TMEM109: variants seen among roughly 807,000 people sequenced by gnomAD.
The protein encoded by TMEM109 is voltage-gated monoatomic cation channel TMEM109.
Under a neutral mutation model 26.4 loss-of-function variants are expected in TMEM109, and 19 were observed. That is an observed-to-expected ratio of 0.72 (90% CI 0.50 to 1.06). The LOEUF (loss-of-function observed/expected upper bound fraction) is 1.06, where lower values mean the gene tolerates loss of function less well. Among genes scored for constraint, TMEM109 ranks in the 50% least tolerant of loss-of-function variants. The pLI, the probability that TMEM109 is intolerant of heterozygous loss-of-function variation, is 0.00. For synonymous variants in TMEM109, 129 were observed against 142.0 expected (o/e 0.91, Z 0.65); for missense variants, 262 against 303.4 (o/e 0.86, Z 1.01).
intron 3 of TMEM109, 98 bp from the exon 4 acceptor site, chr11:60,921,676 G>T: frequency 2.3e-6 from 2 of 880,286 alleles, no homozygotes; most frequent in Non-Finnish European, 3.6e-6. Context: ...TTATTCCTTT[G>T]CAATGTGCCT....
At chr11:60,916,974 C>T (rs980807599) in intron 1 of TMEM109, among the ~76,000 whole-genome samples, 1 of 152,208 alleles carries the variant, frequency 6.6e-6, no homozygotes, top group African/African-American at 2.4e-5. Flanking sequence ...AGGAACTCAC[C>T]TGTGCTTTCC....
chr11:60,917,582 T>C (rs1005524130), intron 1 of TMEM109, among the ~76,000 whole-genome samples: 14 of 152,186 alleles, frequency 9.2e-5, no homozygotes, highest in Non-Finnish European at 1.8e-4. Flanking sequence ...AAGCACAAAG[T>C]TGTTAGGTAA....
chr11:60,914,849 T>C (rs945339452), intron 1 of TMEM109, among the ~76,000 whole-genome samples: 3 of 152,244 alleles, frequency 2.0e-5, no homozygotes, highest in Non-Finnish European at 4.4e-5. Context: ...TAGTGGGAGC[T>C]GCCCCCAACC....
rs1436884494 is a variant in TMEM109 at position 60,919,808 on chromosome 11, T to C, written c.115T>C (p.Phe39Leu). The change falls in exon 2 of 4, where the codon TTT becomes CTT. Residue 39 changes from phenylalanine (F) to leucine (L), a missense_variant. Transcript: ENST00000227525. ...AGCATTGGCCCAGTCCCGTCGAGAC[T>C]TTGCACCACCAGGCCAACAGAAGAG... is the stretch of plus-strand genomic sequence containing the variant. ...HSALAQSRRD[F>L]APPGQQKREA... The C allele has an allele frequency of 1.2e-6, 2 of 1,614,008 alleles. No homozygotes were observed. Among genetic ancestry groups the C allele is most frequent in the Non-Finnish European group, 1.7e-6 (2 of 1,180,022 alleles).
chr11:60,920,066 C>T (rs1045132512), intron 2 of TMEM109, 136 bp downstream of exon 2: 3 of 706,378 alleles, frequency 4.2e-6, no homozygotes, highest in South Asian at 3.5e-5. Flanking sequence ...AGAAGCCACA[C>T]AGCACTTGTC....
At chr11:60,921,485 G>A (rs919484947) in intron 3 of TMEM109, among the ~76,000 whole-genome samples, 1 of 152,088 alleles carries the variant, frequency 6.6e-6, no homozygotes, top group African/African-American at 2.4e-5. Flanking sequence ...ATCAGGCATC[G>A]TGCTGAGCTG....
At position 60,922,631 on chromosome 11, in the gene TMEM109, A is replaced by C; in HGVS notation, c.*466A>C. On this transcript the variant is annotated 3_prime_UTR_variant, in exon 4 of 4. Coordinates refer to ENST00000227525, the MANE Select transcript of TMEM109 (RefSeq NM_024092.3). ...CCTCATCCTCCTACCCTGTACTCCC[A>C]CCAAACCATGGTCCTTTAAGGCACG... 2 of 332,488 alleles carry C rather than the reference A, an allele frequency of 6.0e-6. No homozygotes were observed. Among genetic ancestry groups the C allele is most frequent in the Non-Finnish European group, 1.2e-5 (2 of 167,788 alleles). 20.6% of individuals were successfully genotyped at this position (332,488 alleles called of 1,614,324 possible).
intron 1 of TMEM109, 144 bp from the exon 2 acceptor site, chr11:60,919,542 T>A: frequency 1.5e-6 from 1 of 669,052 alleles, no homozygotes; most frequent in Non-Finnish European, 2.6e-6. Context: ...CAGTCCTTCC[T>A]CTCCCAGCTA....
At chr11:60,919,594 G>T in intron 1 of TMEM109, 92 bp from the exon 2 acceptor site, 1 of 1,069,686 alleles carries the variant, frequency 9.3e-7, no homozygotes, top group Non-Finnish European at 1.4e-6. Context: ...CTTGCTTGGG[G>T]TAGGGGTGGA....
At chr11:60,920,080 G>C in intron 2 of TMEM109, 150 bp downstream of exon 2, 2 of 666,272 alleles carry the variant, frequency 3.0e-6, no homozygotes, top group Non-Finnish European at 5.2e-6. Context: ...ACTTGTCTTT[G>C]AATTCCTCGT....
intron 1 of TMEM109, among the ~76,000 whole-genome samples, chr11:60,918,002 A>T (rs983241045): frequency 1.8e-4 from 27 of 152,150 alleles, no homozygotes; most frequent in African/African-American, 6.3e-4. Context: ...TTAGTTGGAG[A>T]CAATACAGCA....
At chr11:60,918,172 G>A (rs1277231988) in intron 1 of TMEM109, among the ~76,000 whole-genome samples, 1 of 152,178 alleles carries the variant, frequency 6.6e-6, no homozygotes, top group African/African-American at 2.4e-5. Context: ...GCGCGGTGGT[G>A]CATGGCAAGA....
At chr11:60,918,624 G>A (rs1460026035) in intron 1 of TMEM109, 1 of 148,064 alleles carries the variant, frequency 6.8e-6, no homozygotes, top group Middle Eastern at 3.5e-3. Flanking sequence ...TGGTGGAGAA[G>A]GGGTCAAACT....
At position 60,922,260 on chromosome 11, in the gene TMEM109, C is replaced by A; in HGVS notation, c.*95C>A. 1 of 1,546,880 alleles carries A rather than the reference C, an allele frequency of 6.5e-7. No homozygotes were observed. Among genetic ancestry groups the A allele is most frequent in the Non-Finnish European group, 8.7e-7 (1 of 1,146,828 alleles). On this transcript the variant is annotated 3_prime_UTR_variant, in exon 4 of 4. Transcript: ENST00000227525. Reference sequence around the variant, plus strand: ...TGCCAGCCCCCTGCCCTTTTCTTGCCCTGTCTCTGAACCTTCAGAACATTG... The same window carrying A: ...TGCCAGCCCCCTGCCCTTTTCTTGCACTGTCTCTGAACCTTCAGAACATTG...
chr11:60,921,124 A>G (rs1856232335), intron 3 of TMEM109, 136 bp downstream of exon 3: 1 of 741,320 alleles, frequency 1.3e-6, no homozygotes, highest in African/African-American at 1.7e-5. Context: ...GACATGGCCA[A>G]AGAGCAAGCC....
At position 60,922,249 on chromosome 11, in the gene TMEM109, C is replaced by T; in HGVS notation, c.*84C>T. The T allele has an allele frequency of 6.5e-7, 1 of 1,548,008 alleles. No homozygotes were observed. The highest frequency in any genetic ancestry group is 8.7e-7 in the Non-Finnish European group (1 of 1,146,862). On this transcript the variant is annotated 3_prime_UTR_variant, in exon 4 of 4. Transcript: ENST00000227525. ...TGCAGCCCTCCTGCCAGCCCCCTGCCCTTTTCTTGCCCTGTCTCTGAACCT... is the reference window on the plus strand; with the variant it reads ...TGCAGCCCTCCTGCCAGCCCCCTGCTCTTTTCTTGCCCTGTCTCTGAACCT...
intron 1 of TMEM109, 22 bp from the exon 2 acceptor site, chr11:60,919,664 C>T (rs1031647795): frequency 3.1e-6 from 5 of 1,591,206 alleles, no homozygotes; most frequent in Non-Finnish European, 4.3e-6. Context: ...GCACTCAGCT[C>T]ACTGTGCTTC....
Position 60,919,658 on chromosome 11 carries a change from T to C in TMEM109, c.-8-28T>C, listed in dbSNP as rs745842743. On this transcript the variant is annotated intron_variant, in intron 1 of 3. Coordinates refer to ENST00000227525, the MANE Select transcript of TMEM109 (RefSeq NM_024092.3). Reference sequence around the variant, plus strand: ...AGGGTGAGTGTGTCTACCATGGCACTCAGCTCACTGTGCTTCTCTCCTGGC... The same window carrying C: ...AGGGTGAGTGTGTCTACCATGGCACCCAGCTCACTGTGCTTCTCTCCTGGC... 3.2e-6 allele frequency: 5 copies of C among 1,580,868 alleles called. No individual in the cohort carries two copies. The South Asian group carries it at 5.5e-5, about 17-fold the overall frequency.
Position 60,922,119 on chromosome 11 carries a change from G to A in TMEM109, c.686G>A (p.Arg229His), listed in dbSNP as rs777811546. 9.3e-6 allele frequency: 15 copies of A among 1,610,850 alleles called. No homozygotes were observed. The highest frequency in any genetic ancestry group is 1.7e-4 in the Middle Eastern group (1 of 6,056). The change falls in exon 4 of 4, where the codon CGC (arginine) becomes CAC (histidine). Residue 229 changes from arginine (R) to histidine (H), a missense_variant. Transcript: ENST00000227525. ...LERQVEELRW[R>H]QRRAAKGARS... The stretch of plus-strand genomic sequence containing the variant: ...CGCCAGGTGGAGGAGCTGCGCTGGC[G>A]CCAGAGGCGAGCGGCCAAGGGGGCC...
Sources: gnomAD v4.1 joint callset for allele counts (sites outside exome capture counted in the v4.1 genomes callset) on GRCh38, gnomAD v4.1.1 for gene constraint, MANE v1.5 for transcripts, NCBI Gene and HGNC (gene_info 2026-07-23, HGNC 2026-07-21) for gene names.